Variants in CNTN2 observed in about 807,000 individuals in gnomAD.
CNTN2 encodes the protein contactin 2.
CNTN2 carries 53 observed loss-of-function variants against 117.5 expected under a neutral mutation model. The ratio of observed to expected loss-of-function variants is 0.45; its 90% CI spans 0.36 to 0.57. The LOEUF is 0.57. CNTN2 is among the 20% of genes least tolerant of loss of function. The probability of loss-of-function intolerance (pLI) is 0.00; values close to 1 mark genes in which losing one functional copy is unlikely to be tolerated. For synonymous variants in CNTN2, 530 were observed against 561.7 expected (o/e 0.94, Z 0.80); for missense variants, 1,106 against 1,404.3 (o/e 0.79, Z 3.39).
Position 205,064,424 on chromosome 1 carries a change from C to A in CNTN2, c.1343C>A (p.Ala448Asp). 1 of 1,612,822 alleles carries A rather than the reference C, an allele frequency of 6.2e-7. No individual in the cohort carries two copies. Among genetic ancestry groups the A allele is most frequent in the South Asian group, 1.1e-5 (1 of 91,046 alleles). Residue 448 changes from alanine to aspartate, a missense_variant, in exon 11 of 23, where the codon GCC (alanine) becomes GAC (aspartate). Physicochemically the swap from Ala to Asp is moderately radical, Grantham distance 126. Coordinates refer to ENST00000331830, the MANE Select transcript of CNTN2 (RefSeq NM_005076.5). ...TGCCAGCCCCGGGCAGCTCCAAAGG[C>A]CGTGGTGCTCTGGAGCAAAGGCACG... is the stretch of plus-strand genomic sequence containing the variant. ...IPCQPRAAPK[A>D]VVLWSKGTEI...
chr1:205,062,443 C>T lies in CNTN2; in HGVS notation c.1114C>T (p.Arg372Trp), dbSNP rs538644037. ...GGCTCTGGGCTCTTCTGCACAGAAC[C>T]GGGTGGAGGTGTTGGCTGGGGACCT... ...RNGEPLASQN[R>W]VEVLAGDLRF... The change falls in exon 10 of 23, where the codon CGG becomes TGG. Residue 372 changes from arginine to tryptophan, a missense_variant. Coordinates refer to ENST00000331830, the MANE Select transcript of CNTN2 (RefSeq NM_005076.5). 1.8e-4 allele frequency: 298 copies of T among 1,612,460 alleles called. 2 individuals are homozygous for T. The South Asian group carries it at 2.3e-3, about 12-fold the overall frequency.
rs1238847945 is a variant in CNTN2, at chr1:205,073,106, C to T, written c.2883C>T (p.Leu961=). 6.2e-7 allele frequency: 1 copy of T among 1,614,148 alleles called. No homozygotes were observed. Among genetic ancestry groups the T allele is most frequent in the South Asian group, 1.1e-5 (1 of 91,072 alleles). Residue 961 remains leucine, a synonymous_variant, in exon 22 of 23, where the codon CTC becomes CTT. Coordinates refer to ENST00000331830, the MANE Select transcript of CNTN2 (RefSeq NM_005076.5). This position sits in a 1 kb window ranked among gnomAD's most constrained non-coding sequence, Gnocchi z 6.3. The part of the protein sequence containing the change: ...YQNDLHLTPT[L]HLTGKNWIEI... ...ATGACTTACACCTGACTCCCACGCT[C>T]CACCTCACCGGCAAGAACTGGATAG...
chr1:205,045,693 G>T (rs1028415769), intron 1 of CNTN2, among the ~76,000 whole-genome samples: 1 of 152,190 alleles, frequency 6.6e-6, no homozygotes, highest in Admixed American at 6.5e-5. Context: ...TTGGAGAAGA[G>T]GTGATTGATA....
At position 205,061,729 on chromosome 1, in the gene CNTN2, G is replaced by T; in HGVS notation, c.974-136G>T. ...TCCTTCTTCCGGCCCCCTCCTCTTT[G>T]TCCTCTCCATCTCAGAATGCTCATG... On this transcript the variant is annotated intron_variant, in intron 8 of 22. Transcript: ENST00000331830. This position sits in a 1 kb window ranked among gnomAD's most constrained non-coding sequence, Gnocchi z 4.8. The T allele has an allele frequency of 8.4e-7, 1 of 1,184,848 alleles. No homozygotes were observed. Among genetic ancestry groups the T allele is most frequent in the Non-Finnish European group, 1.2e-6 (1 of 851,198 alleles). 73.4% of individuals were successfully genotyped at this position (1,184,848 alleles called of 1,614,324 possible).
At chr1:205,046,051 A>G (rs1259824419) in intron 1 of CNTN2, among the ~76,000 whole-genome samples, 1 of 151,970 alleles carries the variant, frequency 6.6e-6, no homozygotes, top group African/African-American at 2.4e-5. Context: ...CAGGACTACA[A>G]CCCCAATCTA....
intron 21 of CNTN2, 35 bp downstream of exon 21, chr1:205,072,630 G>A: frequency 1.4e-6 from 2 of 1,478,992 alleles, no homozygotes; most frequent in Non-Finnish European, 1.9e-6. Flanking sequence ...AGAATGGGAA[G>A]GAACAGCTCC....
chr1:205,072,905 T>TTCC (rs1222471236), intron 21 of CNTN2, 163 bp from the exon 22 acceptor site: 4 of 752,780 alleles, frequency 5.3e-6, no homozygotes, highest in Non-Finnish European at 8.6e-6. Context: ...CCTGCAAGCT[T>TTCC]TCCTCCACCA....
Position 205,061,245 on chromosome 1 carries a change from C to T in CNTN2, c.798C>T (p.Asn266=). ...CCTCTGGCTTTGTCTCTCCTGCCAGCCCTGTCCCCCGGATCAAGTGGCGCA... is the reference window on the plus strand; with the variant it reads ...CCTCTGGCTTTGTCTCTCCTGCCAGTCCTGTCCCCCGGATCAAGTGGCGCA... ...QVTLECFAFG[N]PVPRIKWRKV... Residue 266 remains asparagine, a splice_region_variant and synonymous_variant, in exon 8 of 23, where the codon AAC becomes AAT. Transcript: ENST00000331830. This position sits in a 1 kb window ranked among gnomAD's most constrained non-coding sequence, Gnocchi z 4.8. 6 of 1,605,958 alleles carry T rather than the reference C, an allele frequency of 3.7e-6. No individual in the cohort carries two copies. The highest frequency in any genetic ancestry group is 4.3e-6 in the Non-Finnish European group (5 of 1,174,404).
At position 205,077,860 on chromosome 1, in the gene CNTN2, C is replaced by T. The variant is rs1027481080; in HGVS notation, c.*4095C>T. ...AGCTTGGCAAATGCTAGGGCTTCAT[C>T]AGACCACTGACTTGACTCAGTGTTT... On this transcript the variant is annotated 3_prime_UTR_variant, in exon 23 of 23. Transcript: ENST00000331830. The T allele has an allele frequency of 6.6e-6, 1 of 152,232 alleles. No homozygotes were observed. The highest frequency in any genetic ancestry group is 2.4e-5 in the African/African-American group (1 of 41,444). 9.4% of individuals were successfully genotyped at this position (152,232 alleles called of 1,614,324 possible). A position where few individuals can be genotyped will look rare whatever the true frequency, so the allele number is the denominator to read the frequency against.
Position 205,074,319 on chromosome 1 carries a change from C to A in CNTN2, c.*554C>A. ...GCTGTCCCCGATAACTCCCTAGGGG[C>A]TCCTGCCTGCCCAAGCGGCTGAGAA... On this transcript the variant is annotated 3_prime_UTR_variant, in exon 23 of 23. Coordinates refer to ENST00000331830, the MANE Select transcript of CNTN2 (RefSeq NM_005076.5). 2.5e-6 allele frequency: 1 copy of A among 400,828 alleles called. No individual in the cohort carries two copies. Among genetic ancestry groups the A allele is most frequent in the East Asian group, 3.6e-5 (1 of 28,106 alleles). 24.8% of individuals were successfully genotyped at this position (400,828 alleles called of 1,614,324 possible). A position where few individuals can be genotyped will look rare whatever the true frequency, so the allele number is the denominator to read the frequency against.
chr1:205,056,026 A>G (rs2096460318), intron 2 of CNTN2, among the ~76,000 whole-genome samples: 1 of 152,180 alleles, frequency 6.6e-6, no homozygotes. Flanking sequence ...AGGGAGGTGC[A>G]TATGTACGAA....
chr1:205,058,613 A>T lies in CNTN2; in HGVS notation c.437A>T (p.His146Leu). ...SKEERDPVKA[H>L]EGWGVMLPCN... ...GAGGAGCGAGACCCAGTGAAAGCTC[A>T]TGAAGGCTGGGGGGTGATGTTGCCC... The change falls in exon 5 of 23, where the codon CAT becomes CTT. Residue 146 changes from histidine (H) to leucine (L), a missense_variant. His to Leu is a moderately conservative substitution (Grantham distance 99). Coordinates refer to ENST00000331830, the MANE Select transcript of CNTN2 (RefSeq NM_005076.5). This position sits in a 1 kb window ranked among gnomAD's most constrained non-coding sequence, Gnocchi z 4.3. 6.2e-7 allele frequency: 1 copy of T among 1,613,792 alleles called. No individual in the cohort carries two copies. The highest frequency in any genetic ancestry group is 2.2e-5 in the East Asian group (1 of 44,852).
chr1:205,053,218 G>A lies in CNTN2; in HGVS notation c.33G>A (p.Leu11=). ...CAGCCACCAGGAGGAAGCCACACCT[G>A]CTGCTGGTAGCTGCTGTGGCCCTTG... MGTATRRKPH[L]LLVAAVALVS... Residue 11 remains leucine, a synonymous_variant, in exon 2 of 23, where the codon CTG becomes CTA. Coordinates refer to ENST00000331830, the MANE Select transcript of CNTN2 (RefSeq NM_005076.5). 1 of 1,612,896 alleles carries A rather than the reference G, an allele frequency of 6.2e-7. No homozygotes were observed. Among genetic ancestry groups the A allele is most frequent in the East Asian group, 2.2e-5 (1 of 44,844 alleles).
chr1:205,050,278 A>AGAGT (rs1273264769), intron 1 of CNTN2, among the ~76,000 whole-genome samples: 1 of 145,392 alleles, frequency 6.9e-6, no homozygotes, highest in South Asian at 2.3e-4. Flanking sequence ...TAGAGCTCTG[A>AGAGT]GTGTGTGTGT....
chr1:205,058,496 C>G lies in CNTN2; in HGVS notation c.392-72C>G. 1 of 1,570,348 alleles carries G rather than the reference C, an allele frequency of 6.4e-7. No homozygotes were observed. The highest frequency in any genetic ancestry group is 8.7e-7 in the Non-Finnish European group (1 of 1,144,442). Reference sequence around the variant, plus strand: ...ATGCCTTAGTGAACTGCTGCTTCTCCGTGAAGGATGAGTCGGGGAGGGGCT... The same window carrying G: ...ATGCCTTAGTGAACTGCTGCTTCTCGGTGAAGGATGAGTCGGGGAGGGGCT... On this transcript the variant is annotated intron_variant, in intron 4 of 22. Coordinates refer to ENST00000331830, the MANE Select transcript of CNTN2 (RefSeq NM_005076.5). This position sits in a 1 kb window ranked among gnomAD's most constrained non-coding sequence, Gnocchi z 4.3.
intron 2 of CNTN2, among the ~76,000 whole-genome samples, chr1:205,054,937 G>A (rs2096458688): frequency 6.6e-6 from 1 of 152,210 alleles, no homozygotes; most frequent in African/African-American, 2.4e-5. Flanking sequence ...AAGAATCAGA[G>A]AGGATGAGGA....
In CNTN2 at chr1:205,069,886, G is replaced by T; in HGVS notation, c.2256G>T (p.Arg752Ser). Residue 752 changes from arginine to serine, a missense_variant, in exon 18 of 23, where the codon AGG (arginine) becomes AGT (serine). Coordinates refer to ENST00000331830, the MANE Select transcript of CNTN2 (RefSeq NM_005076.5). ...TCGGCTACCTGCTGTCCTTCCGCAG[G>T]CAGGGCAGCACTCACTGGCAGACCG... is the stretch of plus-strand genomic sequence containing the variant. Reference protein sequence around the residue: ...DGFGYLLSFRRQGSTHWQTAR... With the variant: ...DGFGYLLSFRSQGSTHWQTAR... 1 of 1,613,818 alleles carries T rather than the reference G, an allele frequency of 6.2e-7. No individual in the cohort carries two copies. The highest frequency in any genetic ancestry group is 8.5e-7 in the Non-Finnish European group (1 of 1,180,014).
At chr1:205,072,899 C>T (rs1337039537) in intron 21 of CNTN2, 169 bp from the exon 22 acceptor site, 10 of 730,358 alleles carry the variant, frequency 1.4e-5, no homozygotes, top group African/African-American at 1.8e-5. Context: ...CAGTGGCCTG[C>T]AAGCTTTCCT....
At chr1:205,056,798 G>A (rs1039711181) in intron 2 of CNTN2, among the ~76,000 whole-genome samples, 1 of 152,054 alleles carries the variant, frequency 6.6e-6, no homozygotes, top group African/African-American at 2.4e-5. Context: ...TGTGATGTCC[G>A]GCCAATCTGT....
Sources: gnomAD v4.1 joint callset for allele counts (sites outside exome capture counted in the v4.1 genomes callset) on GRCh38, gnomAD v4.1.1 for gene constraint, Gnocchi (gnomAD v3.1) non-coding constraint, MANE v1.5 for transcripts, NCBI Gene and HGNC (gene_info 2026-07-23, HGNC 2026-07-21) for gene names.